The following DSCAM variants were observed in gnomAD, a reference collection of about 807,000 sequenced individuals.
The protein encoded by DSCAM is DS cell adhesion molecule.
Under a neutral mutation model 217.7 loss-of-function variants are expected in DSCAM, and 47 were observed. That is an observed-to-expected ratio of 0.22 (90% confidence interval 0.17 to 0.28). The LOEUF is 0.28. Ranked by LOEUF, DSCAM falls within the 10% of genes least tolerant of loss-of-function variation. The pLI is 1.00. For missense variants in DSCAM, 2,080 were observed against 2,618.3 expected (o/e 0.79, Z 4.49); for synonymous variants, 1,056 against 1,015.3 (o/e 1.04, Z -0.76).
rs551568790 is a variant in DSCAM, at chr21:40,390,139, C to T, written c.509-20894G>A. On this transcript the variant is annotated intron_variant, in intron 3 of 32. Coordinates refer to ENST00000400454, the MANE Select transcript of DSCAM (RefSeq NM_001389.5). ...TCAGCTTCGTTTTGCTTAATCAAGC[C>T]TCCTTTGACTATGCTTGCCCAGTTG... Among the ~76,000 whole-genome samples the T allele has an allele frequency of 4.9e-4, 74 of 152,294 alleles. 1 individual carries two copies. The highest frequency in any genetic ancestry group is 1.9e-3 in the South Asian group (9 of 4,822).
At chr21:40,589,405 G>A (rs1157450759) in intron 3 of DSCAM, among the ~76,000 whole-genome samples, 2 of 152,050 alleles carry the variant, frequency 1.3e-5, no homozygotes, top group African/African-American at 4.8e-5. Context: ...GTGAAACCCC[G>A]TCCCTACTAA....
At chr21:40,651,562 C>A (rs1254745476) in intron 3 of DSCAM, among the ~76,000 whole-genome samples, 1 of 152,168 alleles carries the variant, frequency 6.6e-6, no homozygotes, top group Non-Finnish European at 1.5e-5. Flanking sequence ...CCTGTAAAAG[C>A]AACTCACTTG....
chr21:40,054,467 A>G lies in DSCAM; in HGVS notation c.5035+1258T>C, dbSNP rs187206932. Among the ~76,000 whole-genome samples, 77 of 152,344 alleles carry G rather than the reference A, an allele frequency of 5.1e-4. No individual in the cohort carries two copies. The East Asian group carries it at 0.012, about 24-fold the overall frequency. On this transcript the variant is annotated intron_variant, in intron 29 of 32. Coordinates refer to ENST00000400454, the MANE Select transcript of DSCAM (RefSeq NM_001389.5). ...TGGGGCAGCAGAAGGGTGATGGTTGATGGAGCAGGTGTTCTGCCCACCTGG... is the reference window on the plus strand; with the variant it reads ...TGGGGCAGCAGAAGGGTGATGGTTGGTGGAGCAGGTGTTCTGCCCACCTGG...
chr21:40,403,401 G>T (rs1391596124), intron 3 of DSCAM, among the ~76,000 whole-genome samples: 1 of 151,458 alleles, frequency 6.6e-6, no homozygotes, highest in Non-Finnish European at 1.5e-5. Flanking sequence ...GGGCTCAAGT[G>T]ATCCTCCCAC....
chr21:40,512,775 G>T (rs143622206), intron 3 of DSCAM, among the ~76,000 whole-genome samples: 263 of 152,078 alleles, frequency 1.7e-3, no homozygotes, highest in African/African-American at 5.9e-3. Context: ...GGCCTCCCCC[G>T]AGACCCATTA....
chr21:40,285,769 T>C (rs2073816631), intron 10 of DSCAM, among the ~76,000 whole-genome samples: 1 of 152,218 alleles, frequency 6.6e-6, no homozygotes, highest in Non-Finnish European at 1.5e-5. Context: ...GGTTTATTTT[T>C]ACCATGTGTG....
chr21:40,071,303 G>A (rs1419895696), intron 27 of DSCAM, among the ~76,000 whole-genome samples: 1 of 152,170 alleles, frequency 6.6e-6, no homozygotes, highest in African/African-American at 2.4e-5. Flanking sequence ...GTGGGCACTT[G>A]CAGGCAATTT....
intron 21 of DSCAM, among the ~76,000 whole-genome samples, chr21:40,090,453 C>T (rs903694688): frequency 6.6e-6 from 1 of 152,190 alleles, no homozygotes; most frequent in Non-Finnish European, 1.5e-5. Context: ...TCCACACCCA[C>T]TGATGCTGCT....
chr21:40,440,249 G>A (rs2075619212), intron 3 of DSCAM, among the ~76,000 whole-genome samples: 1 of 152,178 alleles, frequency 6.6e-6, no homozygotes, highest in South Asian at 2.1e-4. Context: ...ATAGAAGAAG[G>A]GTAATCACAA....
At chr21:40,180,197 C>G (rs539991041) in intron 14 of DSCAM, among the ~76,000 whole-genome samples, 2 of 152,292 alleles carry the variant, frequency 1.3e-5, no homozygotes, top group African/African-American at 4.8e-5. Context: ...ACATGGACCT[C>G]TGAGTCTTGG....
intron 14 of DSCAM, among the ~76,000 whole-genome samples, chr21:40,184,191 T>G (rs938859982): frequency 1.3e-5 from 2 of 152,226 alleles, no homozygotes; most frequent in African/African-American, 4.8e-5. Context: ...CAGTTTTCTA[T>G]GTACTCAGTC....
chr21:40,832,944 C>T (rs953636436), intron 1 of DSCAM, among the ~76,000 whole-genome samples: 2 of 152,160 alleles, frequency 1.3e-5, no homozygotes, highest in Non-Finnish European at 2.9e-5. Flanking sequence ...AAAAAATCAC[C>T]CAGTCTAAAG....
chr21:40,598,757 C>A (rs920879117), intron 3 of DSCAM, among the ~76,000 whole-genome samples: 2 of 151,982 alleles, frequency 1.3e-5, no homozygotes, highest in Admixed American at 1.3e-4. Flanking sequence ...CCCACCTCGG[C>A]CTCCCAAAGT....
At chr21:40,715,858 C>T (rs2090836315) in intron 1 of DSCAM, among the ~76,000 whole-genome samples, 1 of 152,016 alleles carries the variant, frequency 6.6e-6, no homozygotes, top group South Asian at 2.1e-4. Flanking sequence ...TTGAACTAAG[C>T]AAAATTTGGT....
intron 10 of DSCAM, among the ~76,000 whole-genome samples, chr21:40,291,278 T>A (rs1569044807): frequency 1.3e-5 from 2 of 152,264 alleles, no homozygotes; most frequent in Non-Finnish European, 2.9e-5. Context: ...TCACACAGTC[T>A]GCTTTCAAAA....
chr21:40,652,866 G>C (rs139903382), intron 3 of DSCAM, among the ~76,000 whole-genome samples: 1 of 152,170 alleles, frequency 6.6e-6, no homozygotes, highest in African/African-American at 2.4e-5. Flanking sequence ...CCTGGGCCAC[G>C]CTGTGTCAGT....
chr21:40,456,708 T>C lies in DSCAM; in HGVS notation c.509-87463A>G, dbSNP rs552040202. Among the ~76,000 whole-genome samples, 713 of 143,416 alleles carry C rather than the reference T, an allele frequency of 5.0e-3. 6 individuals are homozygous for C. The highest frequency in any genetic ancestry group is 0.017 in the African/African-American group (645 of 39,030). The allele number at this position is 143,416 out of a possible 152,430, so 94.1% of individuals were successfully genotyped here. ...TACACAATACAAAAATTATTGTGAA[T>C]ACAATGGAATGATGAGTGTCACTAA... On this transcript the variant is annotated intron_variant, in intron 3 of 32. Transcript: ENST00000400454.
At chr21:40,040,744 T>A (rs1235883092) in intron 32 of DSCAM, among the ~76,000 whole-genome samples, 1 of 152,174 alleles carries the variant, frequency 6.6e-6, no homozygotes. Context: ...CAGTACACAG[T>A]CACCAACGCC....
chr21:40,811,049 C>T (rs757402819), intron 1 of DSCAM, among the ~76,000 whole-genome samples: 7 of 152,168 alleles, frequency 4.6e-5, no homozygotes, highest in African/African-American at 9.7e-5. Context: ...ATATTTCATT[C>T]AGTTAAATTA....
Sources: gnomAD v4.1 joint callset for allele counts (sites outside exome capture counted in the v4.1 genomes callset) on GRCh38, gnomAD v4.1.1 for gene constraint, MANE v1.5 for transcripts, NCBI Gene and HGNC (gene_info 2026-07-23, HGNC 2026-07-21) for gene names.